The following CCDC178 variants were observed in gnomAD, a reference collection of about 807,000 sequenced individuals.
CCDC178 encodes the protein coiled-coil domain-containing protein 178.
CCDC178 carries 126 observed loss-of-function variants against 117.4 expected under a neutral mutation model. The observed-to-expected ratio is 1.07, with a 90% confidence interval of 0.93 to 1.24. The LOEUF (loss-of-function observed/expected upper bound fraction) is 1.24. Among genes scored for constraint, CCDC178 ranks in the 50% most tolerant of loss-of-function variants. The pLI, the probability that CCDC178 is intolerant of heterozygous loss-of-function variation, is 0.00. For synonymous variants in CCDC178, 283 were observed against 313.4 expected (o/e 0.90, Z 1.02); for missense variants, 1,030 against 986.9 (o/e 1.04, Z -0.59).
chr18:33,147,895 G>A (rs1192070580), intron 20 of CCDC178, among the ~76,000 whole-genome samples: 1 of 152,150 alleles, frequency 6.6e-6, no homozygotes, highest in African/African-American at 2.4e-5. Context: ...CCTCCCAGAC[G>A]GGGTGGCTGC....
intron 14 of CCDC178, among the ~76,000 whole-genome samples, chr18:33,266,502 A>AT (rs549027198): frequency 6.1e-4 from 91 of 150,412 alleles, no homozygotes; most frequent in African/African-American, 2.2e-3. Flanking sequence ...AAGGCTGTGT[A>AT]AAGCTGCTTA....
chr18:33,204,157 A>C (rs958475011), intron 20 of CCDC178, among the ~76,000 whole-genome samples: 3 of 152,196 alleles, frequency 2.0e-5, no homozygotes, highest in African/African-American at 7.2e-5. Context: ...AATGCAATGT[A>C]AATAATAGTG....
chr18:33,440,904 C>G (rs1322432345), upstream of CCDC178: 3 of 152,674 alleles, frequency 2.0e-5, no homozygotes, highest in African/African-American at 7.2e-5. Context: ...GTGCCTTTCC[C>G]TTTCTCTTGT....
intron 21 of CCDC178, among the ~76,000 whole-genome samples, chr18:32,989,467 A>AT (rs1197821382): frequency 1.3e-5 from 2 of 152,192 alleles, no homozygotes; most frequent in East Asian, 1.9e-4. Context: ...GGTTGGCAAC[A>AT]TTTTTTTCTG....
intron 21 of CCDC178, among the ~76,000 whole-genome samples, chr18:33,055,227 C>T (rs2056810137): frequency 1.3e-5 from 2 of 152,092 alleles, no homozygotes; most frequent in South Asian, 4.2e-4. Context: ...GTTGTCTGTT[C>T]ACTCTGATGA....
rs150656367 is a variant in CCDC178 at position 33,231,552 on chromosome 18, A to ATCC, written c.1594-4700_1594-4698dup. On this transcript the variant is annotated intron_variant, in intron 15 of 22. Coordinates refer to ENST00000383096, the MANE Select transcript of CCDC178 (RefSeq NM_001105528.4). Reference sequence around the variant, plus strand: ...CTCTGATCTGTGATAATGGAGGTGGATCCTGTGAGCAGTTTCCTTTTGCAG... The same window carrying ATCC: ...CTCTGATCTGTGATAATGGAGGTGGATCCTCCTGTGAGCAGTTTCCTTTTGCAG... Among the ~76,000 whole-genome samples, 486 of 152,314 alleles carry ATCC rather than the reference A, an allele frequency of 3.2e-3. 3 individuals are homozygous for ATCC. The highest frequency in any genetic ancestry group is 5.1e-3 in the Non-Finnish European group (349 of 68,026).
At chr18:33,256,610 A>G (rs747183961) in intron 14 of CCDC178, among the ~76,000 whole-genome samples, 1 of 152,052 alleles carries the variant, frequency 6.6e-6, no homozygotes, top group South Asian at 2.1e-4. Context: ...CTGAAAATCT[A>G]TGTTCTAAAA....
chr18:33,104,097 A>C (rs2057668475), intron 20 of CCDC178, among the ~76,000 whole-genome samples: 1 of 151,784 alleles, frequency 6.6e-6, no homozygotes. Flanking sequence ...ATAAATGAAG[A>C]GTTAATATTT....
At chr18:33,155,578 A>C (rs907363109) in intron 20 of CCDC178, among the ~76,000 whole-genome samples, 5 of 152,196 alleles carry the variant, frequency 3.3e-5, no homozygotes, top group African/African-American at 1.2e-4. Context: ...ATTTAAAATG[A>C]GAAAAAAAGA....
At chr18:33,066,417 G>A (rs1262461347) in intron 21 of CCDC178, among the ~76,000 whole-genome samples, 1 of 151,856 alleles carries the variant, frequency 6.6e-6, no homozygotes, top group Non-Finnish European at 1.5e-5. Flanking sequence ...CAATGAATGA[G>A]GAAGAAAGAA....
At chr18:33,179,022 A>C (rs2058695897) in intron 20 of CCDC178, among the ~76,000 whole-genome samples, 1 of 137,316 alleles carries the variant, frequency 7.3e-6, no homozygotes, top group African/African-American at 2.8e-5. Context: ...GAACTGTTTA[A>C]TGAATTTATT....
chr18:33,400,925 T>A (rs1346951449), intron 3 of CCDC178, among the ~76,000 whole-genome samples: 2 of 152,342 alleles, frequency 1.3e-5, no homozygotes, highest in East Asian at 3.9e-4. Flanking sequence ...GAGAGACACA[T>A]AATTCTTCCT....
At chr18:33,341,215 T>C (rs544208380) in intron 9 of CCDC178, among the ~76,000 whole-genome samples, 2 of 151,936 alleles carry the variant, frequency 1.3e-5, no homozygotes, top group East Asian at 3.9e-4. Flanking sequence ...TGGACTTGCA[T>C]GGCCCTGTAA....
At chr18:33,043,260 A>T (rs2056582742) in intron 21 of CCDC178, among the ~76,000 whole-genome samples, 1 of 152,084 alleles carries the variant, frequency 6.6e-6, no homozygotes, top group Non-Finnish European at 1.5e-5. Flanking sequence ...TCTAAAAAGG[A>T]ACTAATACTG....
rs746553911 is a variant in CCDC178 at position 33,397,159 on chromosome 18, C to T, written c.108G>A (p.Arg36=). 2.8e-5 allele frequency: 45 copies of T among 1,602,632 alleles called. No homozygotes were observed. The highest frequency in any genetic ancestry group is 1.1e-4 in the African/African-American group (8 of 74,632). Residue 36 remains arginine, a synonymous_variant, in exon 4 of 23, where the codon AGG becomes AGA. Coordinates refer to ENST00000383096, the MANE Select transcript of CCDC178 (RefSeq NM_001105528.4). ...VKALREKAWS[R]TNEGNAMSQS... is the part of the protein sequence containing the mutation. The stretch of plus-strand genomic sequence containing the variant: ...ATAGCTGTTGGATACCTTCATTTGT[C>T]CTTGACCATGCCTTCTCTCTGAGAG...
At chr18:33,061,188 T>C (rs1428911715) in intron 21 of CCDC178, among the ~76,000 whole-genome samples, 1 of 152,106 alleles carries the variant, frequency 6.6e-6, no homozygotes, top group Non-Finnish European at 1.5e-5. Context: ...TAGTATTTTT[T>C]CACTAATTTA....
At chr18:33,341,917 G>T (rs1306256229) in intron 9 of CCDC178, among the ~76,000 whole-genome samples, 1 of 152,030 alleles carries the variant, frequency 6.6e-6, no homozygotes, top group South Asian at 2.1e-4. Flanking sequence ...AAACAGTTTG[G>T]CATGGATTAA....
chr18:33,355,555 G>A (rs2063042227), intron 7 of CCDC178, among the ~76,000 whole-genome samples: 1 of 152,138 alleles, frequency 6.6e-6, no homozygotes, highest in Non-Finnish European at 1.5e-5. Context: ...ATCTTCTCAA[G>A]TCTTTTTTGA....
At chr18:33,308,096 TA>T (rs1273246082) in intron 11 of CCDC178, among the ~76,000 whole-genome samples, 2 of 152,176 alleles carry the variant, frequency 1.3e-5, no homozygotes, top group African/African-American at 4.8e-5. Flanking sequence ...GACCCCAGAA[TA>T]ATAGATCCAT....
Sources: gnomAD v4.1 joint callset for allele counts (sites outside exome capture counted in the v4.1 genomes callset) on GRCh38, gnomAD v4.1.1 for gene constraint, MANE v1.5 for transcripts, NCBI Gene and HGNC (gene_info 2026-07-23, HGNC 2026-07-21) for gene names.